The following ADAMTS14 variants were observed in gnomAD, a reference collection of about 807,000 sequenced individuals.
ADAMTS14 encodes A disintegrin and metalloproteinase with thrombospondin motifs 14.
Under a neutral mutation model 128.6 loss-of-function variants are expected in ADAMTS14, and 100 were observed. That is an observed-to-expected ratio of 0.78 (90% CI 0.66 to 0.92). ADAMTS14 has a LOEUF of 0.92. ADAMTS14 is among the 40% of genes least tolerant of loss of function. The probability of loss-of-function intolerance (pLI) is 0.00; values close to 1 mark genes in which losing one functional copy is unlikely to be tolerated. For missense variants in ADAMTS14, 1,562 were observed against 1,658.6 expected (o/e 0.94, Z 1.01); for synonymous variants, 665 against 653.8 (o/e 1.02, Z -0.26).
chr10:70,739,429 G>A (rs1589321504), intron 11 of ADAMTS14, among the ~76,000 whole-genome samples: 1 of 152,008 alleles, frequency 6.6e-6, no homozygotes, highest in Non-Finnish European at 1.5e-5. Context: ...TAACATCAAA[G>A]CTCCTTCCCC....
At chr10:70,719,367 TACACACAC>T (rs61607600) in intron 4 of ADAMTS14, among the ~76,000 whole-genome samples, 2,993 of 142,188 alleles carry the variant, frequency 0.021, 68 homozygotes, top group African/African-American at 0.057. Context: ...ACTCCACAAA[TACACACAC>T]ACACACACAC....
chr10:70,712,258 G>A (rs888814998), intron 4 of ADAMTS14, among the ~76,000 whole-genome samples: 19 of 152,172 alleles, frequency 1.2e-4, no homozygotes, highest in Admixed American at 5.9e-4. Context: ...GGGCAGGAAA[G>A]GGGAAAGGGG....
Position 70,751,121 on chromosome 10 carries a change from T to G in ADAMTS14, c.2428-357T>G. On this transcript the variant is annotated intron_variant, in intron 16 of 21. Coordinates refer to ENST00000373207, the MANE Select transcript of ADAMTS14 (RefSeq NM_080722.4). Reference sequence around the variant, plus strand: ...ATGAGGGTCAGTATCCGAACCATTCTTGTTAACTGCCTTCTAGAGCCAGGC... The same window carrying G: ...ATGAGGGTCAGTATCCGAACCATTCGTGTTAACTGCCTTCTAGAGCCAGGC... 1.3e-5 allele frequency among the ~76,000 whole-genome samples: 2 copies of G among 152,216 alleles called. 1 individual carries two copies. Among genetic ancestry groups the G allele is most frequent in the Admixed American group, 1.3e-4 (2 of 15,284 alleles).
chr10:70,705,063 A>C lies in ADAMTS14; in HGVS notation c.679+2595A>C, dbSNP rs909810761. 4.6e-5 allele frequency among the ~76,000 whole-genome samples: 7 copies of C among 152,150 alleles called. No homozygotes were observed. The South Asian group carries it at 1.2e-3, about 27-fold the overall frequency. ...AACACACTCATACACACACATGCTC[A>C]TATACACATACTCTCATATATACAC... is the stretch of plus-strand genomic sequence containing the variant. On this transcript the variant is annotated intron_variant, in intron 3 of 21. Transcript: ENST00000373207.
At chr10:70,720,725 A>T (rs1036003155) in intron 4 of ADAMTS14, among the ~76,000 whole-genome samples, 1 of 152,256 alleles carries the variant, frequency 6.6e-6, no homozygotes, top group Non-Finnish European at 1.5e-5. Context: ...GTGCACACAT[A>T]TAATACGGGT....
At chr10:70,711,002 T>C (rs1432646881) in intron 4 of ADAMTS14, among the ~76,000 whole-genome samples, 1 of 152,216 alleles carries the variant, frequency 6.6e-6, no homozygotes, top group African/African-American at 2.4e-5. Context: ...TTAATGTCTC[T>C]GGGACCTTGG....
At chr10:70,716,784 G>A (rs1289672314) in intron 4 of ADAMTS14, among the ~76,000 whole-genome samples, 1 of 152,166 alleles carries the variant, frequency 6.6e-6, no homozygotes, top group East Asian at 1.9e-4. Flanking sequence ...TCAACCCAGG[G>A]AGGAGGGGGC....
Position 70,730,196 on chromosome 10 carries a change from C to A in ADAMTS14, c.1049C>A (p.Ala350Asp), listed in dbSNP as rs1387359753. 2 of 1,614,082 alleles carry A rather than the reference C, an allele frequency of 1.2e-6. No homozygotes were observed. The highest frequency in any genetic ancestry group is 2.2e-5 in the South Asian group (2 of 91,084). ...HSQQRQDPSH[A>D]EHHDHVVFLT... Reference sequence around the variant, plus strand: ...CAGCAGCGCCAGGACCCCAGCCACGCTGAGCACCATGACCACGTTGTGTTC... The same window carrying A: ...CAGCAGCGCCAGGACCCCAGCCACGATGAGCACCATGACCACGTTGTGTTC... The change falls in exon 6 of 22, where the codon GCT (alanine) becomes GAT (aspartate). Residue 350 changes from alanine (A) to aspartate (D), a missense_variant. Coordinates refer to ENST00000373207, the MANE Select transcript of ADAMTS14 (RefSeq NM_080722.4).
At chr10:70,759,131 C>CGGA (rs1365378980) in intron 21 of ADAMTS14, among the ~76,000 whole-genome samples, 12 of 121,142 alleles carry the variant, frequency 9.9e-5, no homozygotes, top group South Asian at 2.8e-4. Flanking sequence ...CAATCTTCTA[C>CGGA]TTCTCTGCTC....
chr10:70,751,955 T>C (rs1250552565), intron 17 of ADAMTS14, 140 bp from the exon 18 acceptor site: 1 of 1,272,486 alleles, frequency 7.9e-7, no homozygotes, highest in Non-Finnish European at 1.1e-6. Flanking sequence ...CCTCAGAAAG[T>C]GACGTGGGCA....
intron 3 of ADAMTS14, among the ~76,000 whole-genome samples, chr10:70,707,792 G>T (rs1457422231): frequency 1.3e-5 from 2 of 152,158 alleles, no homozygotes; most frequent in Non-Finnish European, 2.9e-5. Context: ...GTCAGTAAAG[G>T]TAAGGCCCAG....
At chr10:70,705,134 A>G (rs551224095) in intron 3 of ADAMTS14, among the ~76,000 whole-genome samples, 1 of 152,274 alleles carries the variant, frequency 6.6e-6, no homozygotes, top group African/African-American at 2.4e-5. Context: ...ATCCTTTCCC[A>G]AGGCTTTGGT....
At chr10:70,691,517 A>T (rs191062126) in intron 2 of ADAMTS14, among the ~76,000 whole-genome samples, 1 of 109,244 alleles carries the variant, frequency 9.2e-6, no homozygotes, top group Admixed American at 9.0e-5. Context: ...AAACAAAGAA[A>T]AAAACAAAAC....
chr10:70,675,442 T>C (rs181280134), intron 2 of ADAMTS14, among the ~76,000 whole-genome samples: 149 of 152,306 alleles, frequency 9.8e-4, no homozygotes, highest in Admixed American at 7.8e-3. Flanking sequence ...CCCGCGAGTG[T>C]TAATGATATG....
chr10:70,674,857 AGT>A lies in ADAMTS14; in HGVS notation c.386_387del (p.Val129AlafsTer43). ...GCCTGCGGCCCAATCGGAGGTTGGT[AGT>A]GCCAGGATCCTCAGTGGAGTGGCAG... ...LRLRPNRRLV[V>X]PGSSVEWQED... On this transcript the variant is annotated frameshift_variant, in exon 2 of 22. Transcript: ENST00000373207. LOFTEE classifies it high-confidence loss of function. 6.2e-7 allele frequency: 1 copy of A among 1,613,942 alleles called. No individual in the cohort carries two copies. The highest frequency in any genetic ancestry group is 8.5e-7 in the Non-Finnish European group (1 of 1,180,046).
chr10:70,726,279 A>G (rs182338149), intron 4 of ADAMTS14, among the ~76,000 whole-genome samples: 2 of 152,348 alleles, frequency 1.3e-5, no homozygotes, highest in East Asian at 1.9e-4. Flanking sequence ...AGCAAGGGTC[A>G]TTGGAGGCTT....
chr10:70,716,654 T>A (rs1332942736), intron 4 of ADAMTS14, among the ~76,000 whole-genome samples: 1 of 152,188 alleles, frequency 6.6e-6, no homozygotes, highest in Non-Finnish European at 1.5e-5. Context: ...GCCTTTGCAT[T>A]CCCCTTGGAA....
chr10:70,745,611 G>A lies in ADAMTS14; in HGVS notation c.2263+305G>A, dbSNP rs577163246. ...TTAATAATTTCTTGTGCACATAGAT[G>A]GCTGTTAAAGGAAAGCCATGTTCAC... On this transcript the variant is annotated intron_variant, in intron 15 of 21. Transcript: ENST00000373207. Among the ~76,000 whole-genome samples, 13 of 152,316 alleles carry A rather than the reference G, an allele frequency of 8.5e-5. No homozygotes were observed. In the South Asian group the frequency reaches 2.7e-3, roughly 32 times the overall value.
intron 6 of ADAMTS14, among the ~76,000 whole-genome samples, chr10:70,731,203 C>T (rs1841626735): frequency 6.6e-6 from 1 of 152,134 alleles, no homozygotes; most frequent in Admixed American, 6.5e-5. Context: ...CACACGTATA[C>T]ACAGACACAC....
Sources: allele counts gnomAD v4.1 joint callset (sites outside exome capture counted in the v4.1 genomes callset), GRCh38; gene constraint gnomAD v4.1.1; transcripts MANE v1.5; gene names NCBI Gene and HGNC (gene_info 2026-07-23, HGNC 2026-07-21).